The following CACNA2D3 variants were observed in gnomAD, a reference collection of about 807,000 sequenced individuals.
The protein encoded by CACNA2D3 is voltage-dependent calcium channel subunit alpha-2/delta-3.
CACNA2D3 carries 60 observed loss-of-function variants against 160.6 expected under a neutral mutation model. That is an observed-to-expected ratio of 0.37 (90% CI 0.30 to 0.46). The LOEUF (loss-of-function observed/expected upper bound fraction) is 0.46. Among genes scored for constraint, CACNA2D3 ranks in the 20% least tolerant of loss-of-function variants. The pLI is 1.00. For missense variants in CACNA2D3, 1,205 were observed against 1,365.0 expected (o/e 0.88, Z 1.85); for synonymous variants, 558 against 492.9 (o/e 1.13, Z -1.75).
At chr3:54,315,123 G>T (rs959756393) in intron 2 of CACNA2D3, among the ~76,000 whole-genome samples, 1 of 152,206 alleles carries the variant, frequency 6.6e-6, no homozygotes, top group East Asian at 1.9e-4. Context: ...TTTCCTCCAG[G>T]TCTTTCTTGG....
At chr3:54,653,889 A>G (rs1321209793) in intron 11 of CACNA2D3, among the ~76,000 whole-genome samples, 1 of 152,152 alleles carries the variant, frequency 6.6e-6, no homozygotes, top group Non-Finnish European at 1.5e-5. Context: ...GACCTCCACC[A>G]TCCTCTAGTA....
rs142240964 is a variant in CACNA2D3 at position 54,678,050 on chromosome 3, G to C, written c.1167+35809G>C. Reference sequence around the variant, plus strand: ...GGAAAAGACGGAGGGAGTGGTAGATGGGTCTTGTTTTTGGAGACTTCTTTT... The same window carrying C: ...GGAAAAGACGGAGGGAGTGGTAGATCGGTCTTGTTTTTGGAGACTTCTTTT... On this transcript the variant is annotated intron_variant, in intron 11 of 37. Coordinates refer to ENST00000474759, the MANE Select transcript of CACNA2D3 (RefSeq NM_018398.3). Among the ~76,000 whole-genome samples the C allele has an allele frequency of 2.6e-4, 39 of 152,248 alleles. No individual in the cohort carries two copies. The East Asian group carries it at 7.4e-3, about 29-fold the overall frequency.
At chr3:54,759,652 C>T (rs910126164) in intron 12 of CACNA2D3, among the ~76,000 whole-genome samples, 7 of 152,182 alleles carry the variant, frequency 4.6e-5, no homozygotes, top group African/African-American at 1.7e-4. Flanking sequence ...TAAGTTGGAA[C>T]TATAGACTGG....
chr3:54,363,392 C>A (rs1299533355), intron 3 of CACNA2D3, among the ~76,000 whole-genome samples: 1 of 152,068 alleles, frequency 6.6e-6, no homozygotes, highest in Non-Finnish European at 1.5e-5. Flanking sequence ...TCATATGGGG[C>A]CCCAGTTCCT....
chr3:54,663,172 C>A (rs1309994498), intron 11 of CACNA2D3, among the ~76,000 whole-genome samples: 1 of 152,178 alleles, frequency 6.6e-6, no homozygotes, highest in Non-Finnish European at 1.5e-5. Flanking sequence ...TGGAAGGAAC[C>A]CTCTCTGTCC....
intron 35 of CACNA2D3, among the ~76,000 whole-genome samples, chr3:55,026,527 G>A (rs777014599): frequency 6.6e-6 from 1 of 152,094 alleles, no homozygotes; most frequent in Non-Finnish European, 1.5e-5. Context: ...GTCGCAGAAG[G>A]AAGGCTTAGG....
chr3:54,203,898 C>T (rs543028590), intron 2 of CACNA2D3, among the ~76,000 whole-genome samples: 50 of 151,782 alleles, frequency 3.3e-4, no homozygotes, highest in South Asian at 1.0e-3. Flanking sequence ...GGGCTAGGGT[C>T]GTCTTGGAAA....
Position 55,009,405 on chromosome 3 carries a change from AC to A in CACNA2D3, c.2839del (p.Leu947SerfsTer9). On this transcript the variant is annotated frameshift_variant, in exon 34 of 38. Transcript: ENST00000474759. LOFTEE classifies it high-confidence loss of function. ...CTGTTTAGGTTCCTGGTGGAATTTA[AC>A]CTCTGCAGTTGGTGGCACTCCGATA... The part of the protein sequence containing the change: ...TELVLFLVEF[N>X]LCSWWHSDMT... The A allele has an allele frequency of 6.2e-7, 1 of 1,613,864 alleles. No individual in the cohort carries two copies. Among genetic ancestry groups the A allele is most frequent in the Non-Finnish European group, 8.5e-7 (1 of 1,179,802 alleles).
In CACNA2D3 at chr3:54,627,852, T is replaced by G. The variant is rs1699156747; in HGVS notation, c.1029T>G (p.Asn343Lys). 1 of 1,607,076 alleles carries G rather than the reference T, an allele frequency of 6.2e-7. No homozygotes were observed. ...TTGGAATGTTGGATATAGCTCTGAA[T>G]GAGGCCTTCAACATTCTGAGTGATG... ...KGIGMLDIALNEAFNILSDFN... is the reference protein window; with the variant it reads ...KGIGMLDIALKEAFNILSDFN... The change falls in exon 10 of 38, where the codon AAT becomes AAG. Residue 343 changes from asparagine to lysine, a missense_variant. By Grantham distance (94) the Asn-to-Lys change is moderately conservative. Around this residue, in one of 3 missense-constraint regions of CACNA2D3, gnomAD observed 911 missense variants for 1,002.2 expected, o/e 0.91. Transcript: ENST00000474759.
At chr3:54,984,718 C>T (rs1379928013) in intron 30 of CACNA2D3, 48 bp downstream of exon 30, 1 of 1,218,830 alleles carries the variant, frequency 8.2e-7, no homozygotes, top group South Asian at 1.4e-5. Context: ...TCAGAATGTG[C>T]TTGGGTCAGG....
At chr3:54,839,023 C>T (rs553161451) in intron 16 of CACNA2D3, among the ~76,000 whole-genome samples, 6 of 152,158 alleles carry the variant, frequency 3.9e-5, no homozygotes, top group South Asian at 2.1e-4. Context: ...TTTGGGAGGC[C>T]GATGCGGGTG....
At chr3:54,345,990 C>T (rs575382744) in intron 3 of CACNA2D3, among the ~76,000 whole-genome samples, 5 of 152,160 alleles carry the variant, frequency 3.3e-5, no homozygotes, top group African/African-American at 1.2e-4. Flanking sequence ...GGATGCTGCC[C>T]CTGAACCTCT....
intron 2 of CACNA2D3, among the ~76,000 whole-genome samples, chr3:54,270,774 C>G (rs1255699422): frequency 2.6e-5 from 4 of 152,130 alleles, no homozygotes; most frequent in Non-Finnish European, 5.9e-5. Context: ...ACTGAGGTTT[C>G]TATTTCTTTG....
chr3:54,399,903 T>C lies in CACNA2D3; in HGVS notation c.381+13129T>C, dbSNP rs1460734171. ...GGCGGGCGCCCCTCCCCCAGCCTCG[T>C]TGCCGCCTTGCAGTTTGATCTCAGA... is the stretch of plus-strand genomic sequence containing the variant. On this transcript the variant is annotated intron_variant, in intron 4 of 37. Coordinates refer to ENST00000474759, the MANE Select transcript of CACNA2D3 (RefSeq NM_018398.3). Among the ~76,000 whole-genome samples the C allele has an allele frequency of 9.7e-5, 12 of 123,192 alleles. 2 individuals are homozygous for C. In the East Asian group the frequency reaches 2.2e-3, roughly 22 times the overall value. The allele number at this position is 123,192 out of a possible 152,430, so 80.8% of individuals were successfully genotyped here.
At chr3:54,158,637 C>G (rs986646306) in intron 2 of CACNA2D3, among the ~76,000 whole-genome samples, 1 of 152,140 alleles carries the variant, frequency 6.6e-6, no homozygotes, top group Non-Finnish European at 1.5e-5. Context: ...TGATCAAGTT[C>G]CCACATGGAC....
chr3:54,689,010 A>AAAAAAAAAAAAGAGAG (rs1553785965), intron 11 of CACNA2D3, among the ~76,000 whole-genome samples: 1 of 85,496 alleles, frequency 1.2e-5, no homozygotes, highest in African/African-American at 4.3e-5. Flanking sequence ...AAAAAAAAAA[A>AAAAAAAAAAAAGAGAG]AGAATGAGGT....
intron 11 of CACNA2D3, among the ~76,000 whole-genome samples, chr3:54,737,446 A>C (rs1027800467): frequency 3.3e-5 from 5 of 152,138 alleles, no homozygotes; most frequent in African/African-American, 1.2e-4. Flanking sequence ...GCAGGTGGGC[A>C]ATATGTGCAA....
At chr3:54,745,437 T>C (rs751614784) in intron 11 of CACNA2D3, among the ~76,000 whole-genome samples, 2 of 152,220 alleles carry the variant, frequency 1.3e-5, no homozygotes, top group Non-Finnish European at 2.9e-5. Flanking sequence ...GCCAGTTGCT[T>C]ACTATCTCCA....
chr3:54,240,078 A>G (rs1426919615), intron 2 of CACNA2D3, among the ~76,000 whole-genome samples: 1 of 152,194 alleles, frequency 6.6e-6, no homozygotes, highest in Non-Finnish European at 1.5e-5. Context: ...GTGGAATATT[A>G]TTTTGGCATT....
Sources: allele counts gnomAD v4.1 joint callset (sites outside exome capture counted in the v4.1 genomes callset), GRCh38; gene constraint gnomAD v4.1.1; regional missense constraint gnomAD v4.1.1; transcripts MANE v1.5; gene names NCBI Gene and HGNC (gene_info 2026-07-23, HGNC 2026-07-21).